The following FOXP1 variants were observed in gnomAD, a reference collection of about 807,000 sequenced individuals.
The protein encoded by FOXP1 is forkhead box P1, also known as forkhead box protein P1.
FOXP1 carries 15 observed loss-of-function variants against 98.2 expected under a neutral mutation model. That is an observed-to-expected ratio of 0.15 (90% CI 0.10 to 0.24). The LOEUF (loss-of-function observed/expected upper bound fraction) is 0.24, where lower values mean the gene tolerates loss of function less well. Ranked by LOEUF, FOXP1 falls within the 10% of genes least tolerant of loss-of-function variation. The pLI, the probability that FOXP1 is intolerant of heterozygous loss-of-function variation, is 1.00. For synonymous variants in FOXP1, 371 were observed against 314.5 expected (o/e 1.18, Z -1.90); for missense variants, 633 against 848.5 (o/e 0.75, Z 3.15).
chr3:71,317,219 A>C (rs916581164), intron 4 of FOXP1, among the ~76,000 whole-genome samples: 1 of 152,228 alleles, frequency 6.6e-6, no homozygotes, highest in African/African-American at 2.4e-5. Flanking sequence ...TATATAGGAA[A>C]GGAAAAAAAT....
chr3:71,029,370 T>A (rs902233731), intron 11 of FOXP1, among the ~76,000 whole-genome samples: 4 of 152,046 alleles, frequency 2.6e-5, no homozygotes, highest in African/African-American at 9.7e-5. Context: ...ATACACACAC[T>A]ATGATGTTCC....
chr3:71,158,110 AGGGAGGGAGGG>A (rs1560038270), intron 6 of FOXP1, among the ~76,000 whole-genome samples: 196 of 19,260 alleles, frequency 0.01, 2 homozygotes, highest in Middle Eastern at 0.033. Flanking sequence ...GAAGGAAGGG[AGGGAGGGAGGG>A]AGGGAGGGAG....
chr3:71,345,366 T>C, intron 4 of FOXP1, among the ~76,000 whole-genome samples: 1 of 147,196 alleles, frequency 6.8e-6, no homozygotes, highest in Non-Finnish European at 1.5e-5. Context: ...CCAGCCTCAG[T>C]GACAGAGAGA....
intron 3 of FOXP1, among the ~76,000 whole-genome samples, chr3:71,474,088 G>A (rs556058141): frequency 6.6e-6 from 1 of 152,200 alleles, no homozygotes; most frequent in African/African-American, 2.4e-5. Flanking sequence ...ATAAGCACAA[G>A]ATAATTGCAA....
At chr3:71,029,822 G>T (rs2046627834) in intron 11 of FOXP1, among the ~76,000 whole-genome samples, 3 of 152,288 alleles carry the variant, frequency 2.0e-5, no homozygotes, top group Admixed American at 6.5e-5. Flanking sequence ...TCCTGAAGGG[G>T]AAGAACTACA....
intron 3 of FOXP1, among the ~76,000 whole-genome samples, chr3:71,424,698 A>C (rs893341711): frequency 8.5e-5 from 13 of 152,234 alleles, no homozygotes; most frequent in Non-Finnish European, 1.9e-4. Context: ...GAAAACCACC[A>C]AAACAAGGTT....
intron 7 of FOXP1, among the ~76,000 whole-genome samples, chr3:71,064,353 A>G (rs2052038868): frequency 1.3e-5 from 2 of 152,222 alleles, no homozygotes; most frequent in Admixed American, 1.3e-4. Context: ...TGAAAGTGAC[A>G]GAAATCACAC....
At chr3:71,078,507 G>A (rs976172051) in intron 7 of FOXP1, among the ~76,000 whole-genome samples, 3 of 152,140 alleles carry the variant, frequency 2.0e-5, no homozygotes, top group Non-Finnish European at 4.4e-5. Context: ...AAACTTGAAT[G>A]ACTTACCCTA....
At chr3:71,280,406 C>T (rs796786517) in intron 5 of FOXP1, among the ~76,000 whole-genome samples, 15 of 151,588 alleles carry the variant, frequency 9.9e-5, no homozygotes, top group African/African-American at 2.2e-4. Flanking sequence ...CTGCAACCTC[C>T]GCCTCCCTGG....
At chr3:71,201,540 G>A (rs1238509585) in intron 5 of FOXP1, among the ~76,000 whole-genome samples, 1 of 152,036 alleles carries the variant, frequency 6.6e-6, no homozygotes, top group Non-Finnish European at 1.5e-5. Flanking sequence ...CCAGCTACTC[G>A]GGAGGCTGAG....
intron 2 of FOXP1, among the ~76,000 whole-genome samples, chr3:71,559,102 C>T (rs1479728786): frequency 1.3e-5 from 2 of 152,212 alleles, no homozygotes; most frequent in Non-Finnish European, 2.9e-5. Context: ...GCAACTGGAC[C>T]AGCCAGCTTC....
intron 3 of FOXP1, among the ~76,000 whole-genome samples, chr3:71,427,894 C>T (rs190391252): frequency 5.5e-4 from 84 of 152,238 alleles, no homozygotes; most frequent in African/African-American, 1.9e-3. Context: ...ATGTGGAGAT[C>T]TGAATGAAGG....
At chr3:71,230,881 G>C (rs1422992102) in intron 5 of FOXP1, among the ~76,000 whole-genome samples, 2 of 152,194 alleles carry the variant, frequency 1.3e-5, no homozygotes, top group African/African-American at 4.8e-5. Context: ...CCTTTATTAA[G>C]TTATCAAATA....
intron 4 of FOXP1, among the ~76,000 whole-genome samples, chr3:71,314,531 A>ATATATG (rs376941494): frequency 1.9e-3 from 155 of 79,946 alleles, no homozygotes; most frequent in Non-Finnish European, 3.5e-3. Flanking sequence ...CGTCTAAAAA[A>ATATATG]TATATATATA....
intron 3 of FOXP1, among the ~76,000 whole-genome samples, chr3:71,383,422 A>G (rs2080325824): frequency 6.6e-6 from 1 of 152,210 alleles, no homozygotes; most frequent in Non-Finnish European, 1.5e-5. Context: ...TAGGGCAGAC[A>G]TTGTTGGTCT....
At chr3:71,429,069 G>C (rs1419163627) in intron 3 of FOXP1, among the ~76,000 whole-genome samples, 1 of 152,212 alleles carries the variant, frequency 6.6e-6, no homozygotes, top group Non-Finnish European at 1.5e-5. Context: ...AGCACGAGGG[G>C]AAGGCATCAG....
intron 6 of FOXP1, among the ~76,000 whole-genome samples, chr3:71,172,206 T>C (rs1481660894): frequency 2.0e-5 from 3 of 152,224 alleles, no homozygotes; most frequent in East Asian, 1.9e-4. Context: ...CCTTTTGTTA[T>C]AAAATGAAAA....
intron 2 of FOXP1, among the ~76,000 whole-genome samples, chr3:71,499,998 T>C (rs1208906835): frequency 6.6e-6 from 1 of 152,198 alleles, no homozygotes. Flanking sequence ...TAAGTTCTAA[T>C]AAAGTTCTGG....
rs533406388 is a variant in FOXP1 at position 71,528,071 on chromosome 3, T to C, written c.-297-34516A>G. Among the ~76,000 whole-genome samples, 9 of 152,316 alleles carry C rather than the reference T, an allele frequency of 5.9e-5. No individual in the cohort carries two copies. In the East Asian group the frequency reaches 1.7e-3, roughly 29 times the overall value. ...GACTTTGTGTATAGATGGTTTATTGTTTTTTTAAGAAATACTCACACACCT... is the reference window on the plus strand; with the variant it reads ...GACTTTGTGTATAGATGGTTTATTGCTTTTTTAAGAAATACTCACACACCT... On this transcript the variant is annotated intron_variant, in intron 2 of 20. Transcript: ENST00000649528.
Sources: allele counts gnomAD v4.1 joint callset (sites outside exome capture counted in the v4.1 genomes callset), GRCh38; gene constraint gnomAD v4.1.1; transcripts MANE v1.5; gene names NCBI Gene and HGNC (gene_info 2026-07-23, HGNC 2026-07-21).